The following PVT1 variants were observed in gnomAD, a reference collection of about 807,000 sequenced individuals.
PVT1 encodes CXCR4/PVT1 fusion.
At chr8:127,978,840 G>T (rs1037757968) in intron 3 of PVT1, among the ~76,000 whole-genome samples, 1 of 152,098 alleles carries the variant, frequency 6.6e-6, no homozygotes, top group African/African-American at 2.4e-5. Context: ...GCCTAGGCTG[G>T]AATGCAGTGG....
chr8:128,017,157 A>G (rs994120875), intron 4 of PVT1, among the ~76,000 whole-genome samples: 27 of 152,344 alleles, frequency 1.8e-4, no homozygotes, highest in Admixed American at 1.6e-3. Flanking sequence ...ATGGGCAGCT[A>G]TAGAAATCCA....
At chr8:127,840,611 C>A (rs1814962533) in intron 2 of PVT1, among the ~76,000 whole-genome samples, 1 of 152,250 alleles carries the variant, frequency 6.6e-6, no homozygotes, top group South Asian at 2.1e-4. Context: ...GAGACCTGTG[C>A]TGGCAGCCCT....
chr8:128,013,338 A>G (rs915071589), intron 4 of PVT1, among the ~76,000 whole-genome samples: 1 of 152,014 alleles, frequency 6.6e-6, no homozygotes, highest in African/African-American at 2.4e-5. Context: ...TATCATTGTA[A>G]TAGCTGCATG....
chr8:128,001,511 T>C (rs1175630923), intron 4 of PVT1, among the ~76,000 whole-genome samples: 2 of 152,176 alleles, frequency 1.3e-5, no homozygotes, highest in African/African-American at 4.8e-5. Context: ...ACACACTTCC[T>C]GTGACCCTTT....
chr8:127,963,093 C>T (rs904804383), intron 3 of PVT1, among the ~76,000 whole-genome samples: 3 of 152,202 alleles, frequency 2.0e-5, no homozygotes, highest in Non-Finnish European at 4.4e-5. Context: ...GTCTGGGTCT[C>T]ACCCTGCCCA....
At chr8:127,944,128 C>G (rs908083750) in intron 3 of PVT1, among the ~76,000 whole-genome samples, 1 of 152,154 alleles carries the variant, frequency 6.6e-6, no homozygotes, top group African/African-American at 2.4e-5. Flanking sequence ...ATGGGGGTGG[C>G]CCAGGCTGGA....
At chr8:128,033,672 C>T (rs906163094) in intron 4 of PVT1, among the ~76,000 whole-genome samples, 3 of 152,264 alleles carry the variant, frequency 2.0e-5, no homozygotes, top group East Asian at 1.9e-4. Flanking sequence ...ACCAGTTCAG[C>T]GAAATCTCCA....
At chr8:127,831,268 C>G (rs769586478) in intron 2 of PVT1, among the ~76,000 whole-genome samples, 15 of 150,798 alleles carry the variant, frequency 9.9e-5, no homozygotes, top group Non-Finnish European at 7.4e-5. Flanking sequence ...GTCTGGACAA[C>G]TTAGAGAGAC....
chr8:128,073,301 C>T (rs924947861), intron 5 of PVT1, among the ~76,000 whole-genome samples: 4 of 152,098 alleles, frequency 2.6e-5, no homozygotes, highest in African/African-American at 9.7e-5. Context: ...ACTAGTAACT[C>T]GAAGATCTTT....
rs188794119 is a variant in PVT1 at position 127,887,068 on chromosome 8, A to G, written n.373-3521A>G. On this transcript the variant is annotated intron_variant and non_coding_transcript_variant, in intron 2 of 10. Transcript: ENST00000651587. ...TAGTTCTTTTGGCTTTAACTGGGCTACTCCATACAAACTTGGCTCAGGAGT... is the reference window on the plus strand; with the variant it reads ...TAGTTCTTTTGGCTTTAACTGGGCTGCTCCATACAAACTTGGCTCAGGAGT... 1.2e-3 allele frequency among the ~76,000 whole-genome samples: 177 copies of G among 152,218 alleles called. 3 individuals are homozygous for G. Among genetic ancestry groups the G allele is most frequent in the Admixed American group, 9.0e-3 (138 of 15,288 alleles).
chr8:127,990,678 T>A (rs1463094359), intron 4 of PVT1, among the ~76,000 whole-genome samples: 1 of 152,252 alleles, frequency 6.6e-6, no homozygotes. Context: ...GCTACATATG[T>A]CATCTTCATC....
At chr8:127,839,668 C>T (rs1814950997) in intron 2 of PVT1, among the ~76,000 whole-genome samples, 1 of 151,810 alleles carries the variant, frequency 6.6e-6, no homozygotes. Flanking sequence ...TACGAAACAC[C>T]CAGATGGGTC....
chr8:128,090,147 C>T (rs888357553), intron 5 of PVT1, among the ~76,000 whole-genome samples: 2 of 152,074 alleles, frequency 1.3e-5, no homozygotes, highest in East Asian at 1.9e-4. Flanking sequence ...AGATACTTTG[C>T]AGAGAAAGAA....
intron 4 of PVT1, among the ~76,000 whole-genome samples, chr8:127,993,010 A>G (rs1817061145): frequency 6.6e-6 from 1 of 152,060 alleles, no homozygotes; most frequent in Non-Finnish European, 1.5e-5. Flanking sequence ...CCCACTCGGA[A>G]CTCTACGCTT....
At chr8:127,971,470 A>G (rs186239964) in intron 3 of PVT1, among the ~76,000 whole-genome samples, 174 of 152,326 alleles carry the variant, frequency 1.1e-3, no homozygotes, top group African/African-American at 4.0e-3. Context: ...AAGACCGCCT[A>G]TATCTCTTCC....
intron 3 of PVT1, among the ~76,000 whole-genome samples, chr8:127,930,333 A>G (rs1043252362): frequency 1.3e-5 from 2 of 152,028 alleles, no homozygotes; most frequent in Non-Finnish European, 2.9e-5. Flanking sequence ...ATTTTTTTGC[A>G]TTTTTAGTAG....
chr8:127,897,843 AAG>A (rs1815702753), intron 3 of PVT1, among the ~76,000 whole-genome samples: 1 of 147,366 alleles, frequency 6.8e-6, no homozygotes, highest in African/African-American at 2.5e-5. Flanking sequence ...GAAAGAAAGA[AAG>A]AAAAGAAAGA....
At chr8:128,088,862 G>T (rs1022001017) in intron 5 of PVT1, among the ~76,000 whole-genome samples, 1 of 152,196 alleles carries the variant, frequency 6.6e-6, no homozygotes, top group Non-Finnish European at 1.5e-5. Context: ...CAGCGGTTTC[G>T]GGAGAGAATG....
intron 4 of PVT1, among the ~76,000 whole-genome samples, chr8:128,066,414 G>C (rs1373120251): frequency 6.6e-6 from 1 of 152,230 alleles, no homozygotes; most frequent in African/African-American, 2.4e-5. Context: ...ATGATCTCAG[G>C]TTGACCTGTG....
Sources: allele counts gnomAD v4.1 joint callset (sites outside exome capture counted in the v4.1 genomes callset), GRCh38; gene constraint gnomAD v4.1.1; transcripts MANE v1.5; gene names NCBI Gene and HGNC (gene_info 2026-07-23, HGNC 2026-07-21).